The following CCDC146 variants were observed in gnomAD, a reference collection of about 807,000 sequenced individuals.
CCDC146 encodes coiled-coil domain containing 146.
In CCDC146, 92 loss-of-function variants were observed where a neutral mutation model predicts 119.3. The ratio of observed to expected loss-of-function variants is 0.77; its 90% confidence interval spans 0.65 to 0.92. CCDC146 has a LOEUF of 0.92. Among genes scored for constraint, CCDC146 ranks in the 40% least tolerant of loss-of-function variants. The pLI, the probability that CCDC146 is intolerant of heterozygous loss-of-function variation, is 0.00. For synonymous variants in CCDC146, 372 were observed against 371.8 expected, an observed-to-expected ratio of 1.00 and a Z score of -0.01; for missense variants, 1,000 against 1,103.0, an observed-to-expected ratio of 0.91 and a Z score of 1.32.
chr7:77,264,048 T>TTA (rs1302929749), intron 9 of CCDC146, among the ~76,000 whole-genome samples: 1 of 152,118 alleles, frequency 6.6e-6, no homozygotes, highest in African/African-American at 2.4e-5. Flanking sequence ...TATATAACTG[T>TTA]TATATATAGT....
chr7:77,231,401 T>C (rs1419637335), intron 2 of CCDC146, among the ~76,000 whole-genome samples: 1 of 152,194 alleles, frequency 6.6e-6, no homozygotes, highest in African/African-American at 2.4e-5. Flanking sequence ...ACAAATCTTA[T>C]CTGTGAATTG....
chr7:77,200,687 G>A (rs571212325), intron 2 of CCDC146, among the ~76,000 whole-genome samples: 9 of 152,122 alleles, frequency 5.9e-5, no homozygotes, highest in Non-Finnish European at 1.3e-4. Context: ...CTGTCTCCAC[G>A]CTGGTTCTTC....
At position 77,292,992 on chromosome 7, in the gene CCDC146, A is replaced by C; in HGVS notation, c.2456A>C (p.Lys819Thr). 1 of 1,614,042 alleles carries C rather than the reference A, an allele frequency of 6.2e-7. No individual in the cohort carries two copies. Among genetic ancestry groups the C allele is most frequent in the Non-Finnish European group, 8.5e-7 (1 of 1,179,984 alleles). Residue 819 changes from lysine (K) to threonine (T), a missense_variant, in exon 18 of 19, where the codon AAA becomes ACA. Coordinates refer to ENST00000285871, the MANE Select transcript of CCDC146 (RefSeq NM_020879.3). ...AGAAGGATCAAAAATGCAACTGAGA[A>C]AATGATGGCTCTTGTTGCTGAGCTG... is the stretch of plus-strand genomic sequence containing the variant. ...YQRRIKNATE[K>T]MMALVAELSM...
In CCDC146 at chr7:77,196,938, T is replaced by G. The variant is rs1164958623; in HGVS notation, c.156+29114T>G. 2 of 1,613,428 alleles carry G rather than the reference T, an allele frequency of 1.2e-6. No homozygotes were observed. The highest frequency in any genetic ancestry group is 1.7e-6 in the Non-Finnish European group (2 of 1,179,840). ...ACTCTGTAGGTCTCACTGCTTCTTT[T>G]GCCTATTGCGTAGTAGTCAGAGCAA... On this transcript the variant is annotated intron_variant, in intron 2 of 18. Coordinates refer to ENST00000285871, the MANE Select transcript of CCDC146 (RefSeq NM_020879.3). This position sits in a 1 kb window ranked among gnomAD's most constrained non-coding sequence, Gnocchi z 4.2.
intron 9 of CCDC146, among the ~76,000 whole-genome samples, chr7:77,269,490 T>C (rs986939230): frequency 6.6e-6 from 1 of 152,242 alleles, no homozygotes; most frequent in African/African-American, 2.4e-5. Context: ...TGGGCTGCTA[T>C]AAATCTAATT....
intron 2 of CCDC146, among the ~76,000 whole-genome samples, chr7:77,192,918 G>A (rs1252438674): frequency 1.3e-5 from 2 of 151,722 alleles, no homozygotes; most frequent in Non-Finnish European, 2.9e-5. Flanking sequence ...GTGAGACTCC[G>A]TCTCTAAAAA....
At chr7:77,278,664 A>G (rs1793703422) in intron 11 of CCDC146, 88 bp from the exon 12 acceptor site, 1 of 928,412 alleles carries the variant, frequency 1.1e-6, no homozygotes, top group Admixed American at 2.5e-5. Flanking sequence ...AGGCTGGAGA[A>G]TTGTCTTTAA....
At chr7:77,177,460 G>C (rs2150414034) in intron 2 of CCDC146, among the ~76,000 whole-genome samples, 1 of 152,254 alleles carries the variant, frequency 6.6e-6, no homozygotes, top group Admixed American at 6.5e-5. Context: ...CTGGAAGATT[G>C]AGACTCGCCC....
At chr7:77,242,226 C>G (rs1792863408) in intron 4 of CCDC146, 2 of 375,942 alleles carry the variant, frequency 5.3e-6, no homozygotes, top group South Asian at 6.1e-5. Context: ...GCAGTGGCCC[C>G]CTCATCCCAT....
intron 2 of CCDC146, among the ~76,000 whole-genome samples, chr7:77,181,241 G>A (rs1791581959): frequency 6.6e-6 from 1 of 152,150 alleles, no homozygotes. Context: ...GATGAGGTAG[G>A]GGTAAGCAGG....
intron 2 of CCDC146, among the ~76,000 whole-genome samples, chr7:77,229,118 T>C (rs547753030): frequency 2.6e-5 from 4 of 152,354 alleles, no homozygotes; most frequent in East Asian, 3.9e-4. Flanking sequence ...ATTGGCCACA[T>C]GTATGTCTTC....
chr7:77,180,975 A>C (rs913349993), intron 2 of CCDC146, among the ~76,000 whole-genome samples: 5 of 152,212 alleles, frequency 3.3e-5, no homozygotes, highest in African/African-American at 1.2e-4. Flanking sequence ...AAATAAGTGA[A>C]ATGGACTTTT....
intron 5 of CCDC146, chr7:77,255,470 TA>T (rs374804985): frequency 1.6e-3 from 250 of 152,348 alleles, no homozygotes; most frequent in African/African-American, 5.7e-3. Context: ...CAGCTCACAA[TA>T]AAACCTGTTT....
intron 6 of CCDC146, among the ~76,000 whole-genome samples, chr7:77,257,682 G>A (rs1446892039): frequency 6.6e-6 from 1 of 152,194 alleles, no homozygotes; most frequent in African/African-American, 2.4e-5. Context: ...ACAGAGAAAT[G>A]TCTCGCCCAC....
At chr7:77,163,366 T>G (rs1244090204) in intron 1 of CCDC146, among the ~76,000 whole-genome samples, 1 of 151,942 alleles carries the variant, frequency 6.6e-6, no homozygotes, top group Non-Finnish European at 1.5e-5. Flanking sequence ...GAGGATCACT[T>G]GAACCTGGGA....
chr7:77,273,674 T>C lies in CCDC146; in HGVS notation c.1174-20T>C, dbSNP rs747013439. On this transcript the variant is annotated intron_variant, in intron 9 of 18. Transcript: ENST00000285871. ...ATTTATTTCTTACATAAATGCATGT[T>C]TTTAAATTTTGATTTCCAGATGGAA... 6.4e-7 allele frequency: 1 copy of C among 1,570,262 alleles called. No individual in the cohort carries two copies. The highest frequency in any genetic ancestry group is 8.7e-7 in the Non-Finnish European group (1 of 1,144,310).
chr7:77,292,186 TAGG>T (rs1793956475), intron 17 of CCDC146, among the ~76,000 whole-genome samples: 1 of 152,140 alleles, frequency 6.6e-6, no homozygotes, highest in African/African-American at 2.4e-5. Flanking sequence ...CCTATCTACT[TAGG>T]AGGCTGAGGC....
At chr7:77,237,167 A>G in intron 3 of CCDC146, 138 bp downstream of exon 3, 1 of 674,618 alleles carries the variant, frequency 1.5e-6, no homozygotes, top group Non-Finnish European at 2.7e-6. Context: ...GAGAAGTGGT[A>G]CGAGAAAGCA....
chr7:77,168,438 A>T (rs1791371175), intron 2 of CCDC146, among the ~76,000 whole-genome samples: 1 of 151,894 alleles, frequency 6.6e-6, no homozygotes. Flanking sequence ...AAAATGATTT[A>T]GAGGACATTT....
Sources: allele counts gnomAD v4.1 joint callset (sites outside exome capture counted in the v4.1 genomes callset), GRCh38; gene constraint gnomAD v4.1.1; non-coding constraint Gnocchi (gnomAD v3.1); transcripts MANE v1.5; gene names NCBI Gene and HGNC (gene_info 2026-07-23, HGNC 2026-07-21).